B3GNT3: variants seen among roughly 807,000 people sequenced by gnomAD.
B3GNT3 encodes the protein UDP-GlcNAc:betaGal beta-1,3-N-acetylglucosaminyltransferase 3, also known as N-acetyllactosaminide beta-1,3-N-acetylglucosaminyltransferase 3.
B3GNT3 carries 7 observed loss-of-function variants against 11.6 expected under a neutral mutation model. That is an observed-to-expected ratio of 0.60 (90% CI 0.34 to 1.13). The LOEUF (loss-of-function observed/expected upper bound fraction) is 1.13. Ranked by LOEUF, B3GNT3 falls within the 50% of genes most tolerant of loss-of-function variation. The pLI, the probability that B3GNT3 is intolerant of heterozygous loss-of-function variation, is 0.03. For synonymous variants in B3GNT3, 201 were observed against 222.1 expected (o/e 0.90, Z 0.85); for missense variants, 400 against 507.4 (o/e 0.79, Z 2.03).
chr19:17,805,806 T>A (rs2094172323), intron 1 of B3GNT3, among the ~76,000 whole-genome samples: 1 of 151,028 alleles, frequency 6.6e-6, no homozygotes, highest in South Asian at 2.1e-4. Context: ...CATTTACAAT[T>A]TTTTTTTTTG....
intron 1 of B3GNT3, among the ~76,000 whole-genome samples, chr19:17,806,970 G>C (rs1024504490): frequency 6.7e-6 from 1 of 149,624 alleles, no homozygotes; most frequent in Non-Finnish European, 1.5e-5. Flanking sequence ...AAAAAGTCCT[G>C]GGTTCTGATA....
chr19:17,798,658 G>A (rs2147645159), intron 1 of B3GNT3, among the ~76,000 whole-genome samples: 1 of 150,522 alleles, frequency 6.6e-6, no homozygotes, highest in East Asian at 2.0e-4. Context: ...GCAACAGAGT[G>A]CGGCTCTGTC....
At position 17,805,521 on chromosome 19, in the gene B3GNT3, C is replaced by T. The variant is rs79786461; in HGVS notation, c.-50-2237C>T. On this transcript the variant is annotated intron_variant, in intron 1 of 2. Transcript: ENST00000318683. ...TTCTTTCTGGCGTGCCCATTCTATTCTTGTACCCTAGCAGGGTCCCATAAC... is the reference window on the plus strand; with the variant it reads ...TTCTTTCTGGCGTGCCCATTCTATTTTTGTACCCTAGCAGGGTCCCATAAC... 7.8e-4 allele frequency among the ~76,000 whole-genome samples: 119 copies of T among 152,302 alleles called. 2 individuals are homozygous for T. In the East Asian group the frequency reaches 0.02, roughly 26 times the overall value.
intron 1 of B3GNT3, among the ~76,000 whole-genome samples, chr19:17,801,113 C>T (rs527737955): frequency 1.5e-4 from 23 of 152,124 alleles, no homozygotes; most frequent in South Asian, 8.3e-4. Context: ...TTGTATATTA[C>T]GAATAGTAGG....
At position 17,811,457 on chromosome 19, in the gene B3GNT3, G is replaced by T. The variant is rs2094180564; in HGVS notation, c.568-114G>T. 8.9e-7 allele frequency: 1 copy of T among 1,127,078 alleles called. No homozygotes were observed. Among genetic ancestry groups the T allele is most frequent in the Non-Finnish European group, 1.2e-6 (1 of 809,314 alleles). 69.8% of individuals were successfully genotyped at this position (1,127,078 alleles called of 1,614,324 possible). On this transcript the variant is annotated intron_variant, in intron 2 of 2. Coordinates refer to ENST00000318683, the MANE Select transcript of B3GNT3 (RefSeq NM_014256.4). The surrounding 1 kb of genome is among the most constrained non-coding windows in gnomAD (Gnocchi z 4.1). ...CCCACAGGGCAGGGCCTTAACCCAG[G>T]CTGGATTGTGGACACTTCCTTTCCT...
At position 17,811,470 on chromosome 19, in the gene B3GNT3, C is replaced by T. The variant is rs1417321286; in HGVS notation, c.568-101C>T. 2.4e-6 allele frequency: 3 copies of T among 1,241,264 alleles called. No individual in the cohort carries two copies. Among genetic ancestry groups the T allele is most frequent in the African/African-American group, 1.5e-5 (1 of 65,884 alleles). 76.9% of individuals were successfully genotyped at this position (1,241,264 alleles called of 1,614,324 possible). A position where few individuals can be genotyped will look rare whatever the true frequency, so the allele number is the denominator to read the frequency against. On this transcript the variant is annotated intron_variant, in intron 2 of 2. Transcript: ENST00000318683. The surrounding 1 kb of genome is among the most constrained non-coding windows in gnomAD (Gnocchi z 4.1). ...GCCTTAACCCAGGCTGGATTGTGGA[C>T]ACTTCCTTTCCTGGGCTTAGTGGGC...
intron 1 of B3GNT3, among the ~76,000 whole-genome samples, chr19:17,802,822 C>T (rs906172304): frequency 1.3e-5 from 2 of 152,038 alleles, no homozygotes; most frequent in African/African-American, 4.8e-5. Flanking sequence ...GGACTAAAGG[C>T]ATACACCACC....
At chr19:17,810,642 G>A (rs1334465333) in intron 2 of B3GNT3, among the ~76,000 whole-genome samples, 1 of 152,056 alleles carries the variant, frequency 6.6e-6, no homozygotes, top group Non-Finnish European at 1.5e-5. Flanking sequence ...AGCACTTTGG[G>A]AGGCTGAGGC....
chr19:17,795,934 A>G (rs1430128625), intron 1 of B3GNT3, among the ~76,000 whole-genome samples: 1 of 152,016 alleles, frequency 6.6e-6, no homozygotes, highest in East Asian at 1.9e-4. Context: ...GGATGAGTTG[A>G]GTGGATAGGA....
chr19:17,806,404 G>A (rs1485533725), intron 1 of B3GNT3, among the ~76,000 whole-genome samples: 1 of 152,124 alleles, frequency 6.6e-6, no homozygotes, highest in African/African-American at 2.4e-5. Flanking sequence ...GCATACAGTA[G>A]GTGCTCAGTT....
intron 1 of B3GNT3, among the ~76,000 whole-genome samples, chr19:17,801,184 T>TTTTG (rs1031057561): frequency 1.4e-4 from 22 of 152,056 alleles, no homozygotes; most frequent in African/African-American, 4.6e-4. Context: ...GCAGCACTTT[T>TTTTG]TTTGTTTGTT....
At chr19:17,800,538 C>G (rs2094164863) in intron 1 of B3GNT3, among the ~76,000 whole-genome samples, 1 of 152,166 alleles carries the variant, frequency 6.6e-6, no homozygotes, top group Non-Finnish European at 1.5e-5. Context: ...GCAGACAACC[C>G]TTCTGCATAT....
At chr19:17,807,053 C>T (rs754147677) in intron 1 of B3GNT3, among the ~76,000 whole-genome samples, 21 of 148,904 alleles carry the variant, frequency 1.4e-4, no homozygotes, top group African/African-American at 2.7e-4. Flanking sequence ...GTCACTGAGG[C>T]GGTCACCACA....
At chr19:17,807,316 C>T (rs143133484) in intron 1 of B3GNT3, among the ~76,000 whole-genome samples, 264 of 151,642 alleles carry the variant, frequency 1.7e-3, no homozygotes, top group African/African-American at 6.2e-3. Flanking sequence ...ATGGTAAAAC[C>T]CCGTCTCTAC....
Position 17,807,940 on chromosome 19 carries a change from G to C in B3GNT3, c.133G>C (p.Glu45Gln). 6.2e-7 allele frequency: 1 copy of C among 1,613,230 alleles called. No individual in the cohort carries two copies. Among genetic ancestry groups the C allele is most frequent in the Admixed American group, 1.7e-5 (1 of 59,986 alleles). ...CCAGGAGCAGCCACCGGCGATCCCC[G>C]AGGCCCTGGCCTGGCCCACTCCACC... is the stretch of plus-strand genomic sequence containing the variant. ...KVQEQPPAIP[E>Q]ALAWPTPPTR... Residue 45 changes from glutamate (E) to glutamine (Q), a missense_variant, in exon 2 of 3, where the codon GAG becomes CAG. Glu to Gln is a conservative substitution (Grantham distance 29). Transcript: ENST00000318683.
In B3GNT3 at chr19:17,810,100, C is replaced by T. The variant is rs553362910; in HGVS notation, c.568-1471C>T. ...TAGGGTAAGCACCAAGCACAGCGCCCGGCAACAAACAGATACCCAGCCTGT... is the reference window on the plus strand; with the variant it reads ...TAGGGTAAGCACCAAGCACAGCGCCTGGCAACAAACAGATACCCAGCCTGT... On this transcript the variant is annotated intron_variant, in intron 2 of 2. Transcript: ENST00000318683. Among the ~76,000 whole-genome samples, 10 of 152,242 alleles carry T rather than the reference C, an allele frequency of 6.6e-5. No individual in the cohort carries two copies. In the South Asian group the frequency reaches 8.3e-4, roughly 13 times the overall value.
intron 1 of B3GNT3, among the ~76,000 whole-genome samples, chr19:17,807,478 C>CG (rs59571840): frequency 0.16 from 21,522 of 134,416 alleles, 1,888 homozygotes; most frequent in East Asian, 0.3. Flanking sequence ...GGCAACAGAA[C>CG]AAGAGAGAGA....
chr19:17,812,229 A>C lies in B3GNT3; in HGVS notation c.*107A>C, dbSNP rs566345591. The C allele has an allele frequency of 1.5e-6, 2 of 1,295,746 alleles. No individual in the cohort carries two copies. The highest frequency in any genetic ancestry group is 2.5e-5 in the East Asian group (1 of 39,864). The allele number at this position is 1,295,746 out of a possible 1,614,324, so 80.3% of individuals were successfully genotyped here. ...TGTGGTCTGAGCATAAGGGAGTGCC[A>C]GGGAAGGTTTGAGGTTTGATGAGTG... On this transcript the variant is annotated 3_prime_UTR_variant, in exon 3 of 3. Coordinates refer to ENST00000318683, the MANE Select transcript of B3GNT3 (RefSeq NM_014256.4).
At chr19:17,808,821 C>T (rs1392658533) in intron 2 of B3GNT3, among the ~76,000 whole-genome samples, 1 of 152,032 alleles carries the variant, frequency 6.6e-6, no homozygotes, top group African/African-American at 2.4e-5. Flanking sequence ...ACGGGGGACA[C>T]ATCTCCTTGT....
Sources: gnomAD v4.1 joint callset for allele counts (sites outside exome capture counted in the v4.1 genomes callset) on GRCh38, gnomAD v4.1.1 for gene constraint, Gnocchi (gnomAD v3.1) non-coding constraint, MANE v1.5 for transcripts, NCBI Gene and HGNC (gene_info 2026-07-23, HGNC 2026-07-21) for gene names.